MTAP: variants seen among roughly 807,000 people sequenced by gnomAD.
MTAP encodes S-methyl-5'-thioadenosine phosphorylase.
In MTAP, 33 loss-of-function variants were observed where a neutral mutation model predicts 33.6. The observed-to-expected ratio is 0.98, with a 90% confidence interval of 0.74 to 1.31. The LOEUF (loss-of-function observed/expected upper bound fraction) is 1.31. Ranked by LOEUF, MTAP falls within the 40% of genes most tolerant of loss-of-function variation. The pLI is 0.00. For missense variants in MTAP, 367 were observed against 360.0 expected (o/e 1.02, Z -0.16); for synonymous variants, 148 against 125.7 (o/e 1.18, Z -1.19).
intron 1 of MTAP, among the ~76,000 whole-genome samples, chr9:21,915,274 G>T (rs1176669606): frequency 6.6e-6 from 1 of 151,300 alleles, no homozygotes; most frequent in African/African-American, 2.4e-5. Flanking sequence ...TGTATTTTTA[G>T]TAGAGATGGG....
chr9:21,862,269 A>G lies in MTAP; in HGVS notation c.*255A>G. On this transcript the variant is annotated 3_prime_UTR_variant, in exon 8 of 8. Transcript: ENST00000644715. ...AATATTACATTTTAAGGGGGAAAAA[A>G]AAACCCACCATTCTCTTCTCCCCCT... 1 of 871,630 alleles carries G rather than the reference A, an allele frequency of 1.1e-6. No homozygotes were observed. The highest frequency in any genetic ancestry group is 1.5e-6 in the Non-Finnish European group (1 of 658,118). 54.0% of individuals were successfully genotyped at this position (871,630 alleles called of 1,614,324 possible). A position where few individuals can be genotyped will look rare whatever the true frequency, so the allele number is the denominator to read the frequency against.
chr9:21,922,710 C>T lies in MTAP; in HGVS notation c.148-8298C>T, dbSNP rs1818807240. 6.6e-6 allele frequency among the ~76,000 whole-genome samples: 1 copy of T among 152,150 alleles called. No individual in the cohort carries two copies. ...CAGTTTTCTTCTCCCCTTTCACTCT[C>T]CTGCCTTCCAACCAATTCCCAGAAC... On this transcript the variant is annotated intron_variant, in intron 1 of 1. Coordinates refer to the MTAP transcript ENST00000577563. The surrounding 1 kb of genome is among the most constrained non-coding windows in gnomAD (Gnocchi z 4.8).
At chr9:21,908,917 C>T (rs546537824) in intron 1 of MTAP, among the ~76,000 whole-genome samples, 1 of 151,874 alleles carries the variant, frequency 6.6e-6, no homozygotes, top group South Asian at 2.1e-4. Flanking sequence ...CTTCCCCTTC[C>T]CCATTTATAG....
Position 21,882,838 on chromosome 9 carries a change from T to C in MTAP, c.147+27968T>C. ...TAATTTTAAAAATTTTATTTGGAAG[T>C]TATAAAGTACACTTTTAAATAATTC... On this transcript the variant is annotated intron_variant, in intron 1 of 1. Coordinates refer to the MTAP transcript ENST00000577563. Among the ~76,000 whole-genome samples the C allele has an allele frequency of 1.3e-5, 2 of 152,020 alleles. 1 individual carries two copies. The highest frequency in any genetic ancestry group is 1.3e-4 in the Admixed American group (2 of 15,252).
At chr9:21,810,421 G>A (rs1305712693) in intron 1 of MTAP, among the ~76,000 whole-genome samples, 2 of 135,964 alleles carry the variant, frequency 1.5e-5, no homozygotes, top group Non-Finnish European at 3.0e-5. Context: ...GATAGGAAAA[G>A]GAAACAAAAA....
Position 21,865,264 on chromosome 9 carries a change from C to G in MTAP, c.*3250C>G. The G allele has an allele frequency of 2.3e-6, 1 of 443,172 alleles. No homozygotes were observed. Among genetic ancestry groups the G allele is most frequent in the Non-Finnish European group, 3.0e-6 (1 of 334,684 alleles). 27.5% of individuals were successfully genotyped at this position (443,172 alleles called of 1,614,324 possible). A position where few individuals can be genotyped will look rare whatever the true frequency, so the allele number is the denominator to read the frequency against. On this transcript the variant is annotated 3_prime_UTR_variant, in exon 8 of 8. Transcript: ENST00000644715. ...ATAAGGGGCTTTTCCCCCTTTTGCT[C>G]AACACTTCTTCCTGCCATCATGTGA...
intron 1 of MTAP, among the ~76,000 whole-genome samples, chr9:21,808,239 T>C (rs1188687491): frequency 6.6e-6 from 1 of 152,164 alleles, no homozygotes; most frequent in Non-Finnish European, 1.5e-5. Context: ...CCCTTAGTGT[T>C]ATAGTTTCCT....
At chr9:21,938,845 A>T (rs1182657805), downstream of MTAP, among the ~76,000 whole-genome samples, 1 of 152,200 alleles carries the variant, frequency 6.6e-6, no homozygotes, top group Admixed American at 6.6e-5. Context: ...TAACTTTAAG[A>T]TCATAACATT....
chr9:21,931,312 G>T (rs1342077249), downstream of MTAP: 5 of 574,224 alleles, frequency 8.7e-6, no homozygotes, highest in Non-Finnish European at 1.6e-5. Context: ...GGATTTTTGC[G>T]GGGGAAAATG....
At chr9:21,846,835 T>C (rs906187580) in intron 5 of MTAP, among the ~76,000 whole-genome samples, 5 of 152,212 alleles carry the variant, frequency 3.3e-5, no homozygotes, top group African/African-American at 4.8e-5. Context: ...CCAACCTAAA[T>C]GCCCGTTGAC....
At chr9:21,852,605 G>T (rs1825543140) in intron 5 of MTAP, among the ~76,000 whole-genome samples, 1 of 150,598 alleles carries the variant, frequency 6.6e-6, no homozygotes, top group African/African-American at 2.4e-5. Flanking sequence ...TGGGTATAGT[G>T]TACATTTCTT....
At chr9:21,893,080 A>G (rs545483590) in intron 1 of MTAP, 1 of 152,364 alleles carries the variant, frequency 6.6e-6, no homozygotes, top group Admixed American at 6.5e-5. Flanking sequence ...AAATAATGAA[A>G]ACAAAAGTAC....
At chr9:21,898,746 A>G (rs1345010665) in intron 1 of MTAP, among the ~76,000 whole-genome samples, 1 of 152,190 alleles carries the variant, frequency 6.6e-6, no homozygotes, top group Non-Finnish European at 1.5e-5. Flanking sequence ...GGTGCTGGAG[A>G]GGATGTGGAG....
chr9:21,916,930 A>G (rs1223467671), intron 1 of MTAP, among the ~76,000 whole-genome samples: 1 of 152,218 alleles, frequency 6.6e-6, no homozygotes, highest in African/African-American at 2.4e-5. Context: ...GTTGTTATTT[A>G]GGTGAGAAAT....
chr9:21,869,193 G>A (rs1481082436), downstream of MTAP, among the ~76,000 whole-genome samples: 3 of 151,876 alleles, frequency 2.0e-5, no homozygotes, highest in African/African-American at 7.3e-5. Context: ...AAAATCCCTC[G>A]AGTTATTGTT....
intron 5 of MTAP, among the ~76,000 whole-genome samples, chr9:21,850,697 T>C (rs767149121): frequency 2.6e-5 from 4 of 152,246 alleles, no homozygotes; most frequent in South Asian, 2.1e-4. Flanking sequence ...TACTGGACTT[T>C]GGTGGAAAGT....
intron 1 of MTAP, among the ~76,000 whole-genome samples, chr9:21,898,476 C>G (rs533374521): frequency 6.6e-6 from 1 of 152,292 alleles, no homozygotes; most frequent in South Asian, 2.1e-4. Flanking sequence ...TTTTTACAAT[C>G]TACCCATTTG....
intron 4 of MTAP, 116 bp downstream of exon 4, chr9:21,818,318 T>TG: frequency 2.9e-5 from 1 of 35,072 alleles, no homozygotes; most frequent in Non-Finnish European, 4.4e-5. Flanking sequence ...ACTCGCTTGC[T>TG]TTTTTTTTTT....
chr9:21,845,397 A>G (rs1323252977), intron 5 of MTAP, among the ~76,000 whole-genome samples: 1 of 152,204 alleles, frequency 6.6e-6, no homozygotes, highest in African/African-American at 2.4e-5. Flanking sequence ...CAAGCTGAGA[A>G]TCAAATCAAG....
Sources: allele counts gnomAD v4.1 joint callset (sites outside exome capture counted in the v4.1 genomes callset), GRCh38; gene constraint gnomAD v4.1.1; non-coding constraint Gnocchi (gnomAD v3.1); transcripts MANE v1.5; gene names NCBI Gene and HGNC (gene_info 2026-07-23, HGNC 2026-07-21).